ZNF532: variants seen among roughly 807,000 people sequenced by gnomAD.
ZNF532 encodes the protein zinc finger protein 532.
Under a neutral mutation model 89.3 loss-of-function variants are expected in ZNF532, and 22 were observed. That is an observed-to-expected ratio of 0.25 (90% confidence interval 0.18 to 0.35). ZNF532 has a LOEUF of 0.35. ZNF532 is among the 10% of genes least tolerant of loss of function. ZNF532 has a pLI of 1.00. For synonymous variants in ZNF532, 606 were observed against 649.6 expected (o/e 0.93, Z 1.02); for missense variants, 1,132 against 1,643.4 (o/e 0.69, Z 5.38).
intron 2 of ZNF532, among the ~76,000 whole-genome samples, chr18:58,882,612 T>C (rs1047321432): frequency 2.0e-5 from 3 of 152,138 alleles, no homozygotes; most frequent in African/African-American, 7.2e-5. Context: ...TGGCTAATTA[T>C]TATTTTTATT....
chr18:58,964,567 G>GTGTGTGTGTGTGTGTT (rs2065721801), intron 7 of ZNF532, among the ~76,000 whole-genome samples: 1 of 144,582 alleles, frequency 6.9e-6, no homozygotes, highest in Non-Finnish European at 1.5e-5. Context: ...GTGTGTGTGT[G>GTGTGTGTGTGTGTGTT]TGTGTGTGTG....
At chr18:58,961,500 C>T (rs1010205269) in intron 7 of ZNF532, among the ~76,000 whole-genome samples, 4 of 152,262 alleles carry the variant, frequency 2.6e-5, no homozygotes, top group South Asian at 2.1e-4. Flanking sequence ...TTTACACGCT[C>T]GTTATTCTGG....
chr18:58,955,495 T>G (rs2064676316), intron 7 of ZNF532, among the ~76,000 whole-genome samples: 2 of 152,228 alleles, frequency 1.3e-5, no homozygotes, highest in Admixed American at 1.3e-4. Context: ...GAAATTGTTT[T>G]GTAATTAGTA....
intron 2 of ZNF532, among the ~76,000 whole-genome samples, chr18:58,888,699 A>T (rs183440839): frequency 1.7e-3 from 66 of 39,264 alleles, no homozygotes; most frequent in African/African-American, 0.012. Flanking sequence ...AAAAAAAATT[A>T]TATATATATA....
chr18:58,924,603 A>G (rs2061384494), intron 3 of ZNF532, among the ~76,000 whole-genome samples: 1 of 152,190 alleles, frequency 6.6e-6, no homozygotes, highest in Non-Finnish European at 1.5e-5. Flanking sequence ...ATAATTGTAG[A>G]TTCATGTAAC....
chr18:58,979,735 CT>C (rs2067503668), intron 8 of ZNF532: 1 of 152,594 alleles, frequency 6.6e-6, no homozygotes, highest in South Asian at 2.1e-4. Flanking sequence ...CAGGGTCTCT[CT>C]GCACATGTCG....
chr18:58,956,809 T>G (rs1327531659), intron 7 of ZNF532, among the ~76,000 whole-genome samples: 1 of 152,196 alleles, frequency 6.6e-6, no homozygotes, highest in Non-Finnish European at 1.5e-5. Flanking sequence ...TTTTCTACCC[T>G]TATTGTGGAA....
chr18:58,901,429 C>A (rs1475688293), intron 2 of ZNF532, among the ~76,000 whole-genome samples: 1 of 152,246 alleles, frequency 6.6e-6, no homozygotes, highest in Admixed American at 6.5e-5. Flanking sequence ...GCAGAGGAGT[C>A]GCCTTGGGGA....
In ZNF532 at chr18:58,984,167, T is replaced by C. The variant is rs2147795482; in HGVS notation, c.3607T>C (p.Tyr1203His). 6.2e-7 allele frequency: 1 copy of C among 1,611,936 alleles called. No individual in the cohort carries two copies. The highest frequency in any genetic ancestry group is 8.5e-7 in the Non-Finnish European group (1 of 1,179,858). ...TCAGCACAAATCGGATGGTTCTTCC[T>C]ACCAGTGCCGGGAGTGTGGCCTCTG... The part of the protein sequence containing the change: ...IPQHKSDGSS[Y>H]QCRECGLCYT... The change falls in exon 10 of 10, where the codon TAC (tyrosine) becomes CAC (histidine). Residue 1203 changes from tyrosine to histidine, a missense_variant. Physicochemically the swap from Tyr to His is moderately conservative, Grantham distance 83 (BLOSUM62 2). This residue lies in a region of ZNF532 where 415 missense variants were observed against 604.8 expected (regional missense o/e 0.69). Coordinates refer to ENST00000591808, the MANE Select transcript of ZNF532 (RefSeq NM_001375912.1).
intron 2 of ZNF532, among the ~76,000 whole-genome samples, chr18:58,888,853 AATTTATATAT>A (rs1260591867): frequency 2.4e-5 from 1 of 42,362 alleles, no homozygotes; most frequent in Non-Finnish European, 3.8e-5. Flanking sequence ...ATATATATAT[AATTTATATAT>A]ATATAATATA....
rs908174907 is a variant in ZNF532 at position 58,965,815 on chromosome 18, T to C, written c.3150+12016T>C. ...GAGTGGCTTGAATTTAGCAGTTGCC[T>C]GGGATGTATCTGGGGGCTGCATGGA... On this transcript the variant is annotated intron_variant, in intron 7 of 9. Coordinates refer to ENST00000591808, the MANE Select transcript of ZNF532 (RefSeq NM_001375912.1). Among the ~76,000 whole-genome samples, 5 of 152,148 alleles carry C rather than the reference T, an allele frequency of 3.3e-5. No homozygotes were observed. The South Asian group carries it at 1.0e-3, about 32-fold the overall frequency.
chr18:58,945,299 T>C (rs2063555256), intron 5 of ZNF532, among the ~76,000 whole-genome samples: 1 of 152,210 alleles, frequency 6.6e-6, no homozygotes, highest in South Asian at 2.1e-4. Context: ...GCCTGGGCCG[T>C]GATGCCATGC....
chr18:58,948,342 A>G (rs1417102928), intron 6 of ZNF532, 113 bp downstream of exon 6: 6 of 1,128,364 alleles, frequency 5.3e-6, no homozygotes, highest in Non-Finnish European at 7.5e-6. Context: ...GAGGGAAGGG[A>G]TGGATGCTGG....
chr18:58,978,350 G>A (rs1015427731), intron 7 of ZNF532, among the ~76,000 whole-genome samples: 4 of 152,114 alleles, frequency 2.6e-5, no homozygotes, highest in Non-Finnish European at 5.9e-5. Context: ...GGTAGCCAGA[G>A]ATTTCATTTA....
At chr18:58,956,116 G>A (rs2064749276) in intron 7 of ZNF532, among the ~76,000 whole-genome samples, 1 of 152,212 alleles carries the variant, frequency 6.6e-6, no homozygotes, top group Admixed American at 6.5e-5. Context: ...GGATATGAGA[G>A]GAGGAGATGG....
intron 5 of ZNF532, among the ~76,000 whole-genome samples, chr18:58,940,958 A>ACACACTCT (rs1209329621): frequency 7.6e-5 from 10 of 131,810 alleles, no homozygotes; most frequent in African/African-American, 2.8e-4. Context: ...ACACACACAC[A>ACACACTCT]CTCTTTCTCT....
intron 2 of ZNF532, among the ~76,000 whole-genome samples, chr18:58,905,648 T>A (rs2059890803): frequency 1.3e-5 from 2 of 152,220 alleles, no homozygotes; most frequent in African/African-American, 4.8e-5. Context: ...CCTCCCAACA[T>A]GCTGGGATTA....
intron 7 of ZNF532, among the ~76,000 whole-genome samples, chr18:58,975,636 C>T (rs1240726142): frequency 6.6e-6 from 1 of 152,188 alleles, no homozygotes; most frequent in Non-Finnish European, 1.5e-5. Flanking sequence ...GGGATTAATG[C>T]TTTCTTTCCT....
intron 2 of ZNF532, among the ~76,000 whole-genome samples, chr18:58,891,838 C>A (rs1393748338): frequency 6.6e-6 from 1 of 152,168 alleles, no homozygotes; most frequent in Non-Finnish European, 1.5e-5. Flanking sequence ...TGCCCTCCCT[C>A]CTAAAGCTGG....
Sources: gnomAD v4.1 joint callset for allele counts (sites outside exome capture counted in the v4.1 genomes callset) on GRCh38, gnomAD v4.1.1 for gene constraint, gnomAD v4.1.1 regional missense constraint, MANE v1.5 for transcripts, NCBI Gene and HGNC (gene_info 2026-07-23, HGNC 2026-07-21) for gene names.